EVL: variants seen among roughly 807,000 people sequenced by gnomAD.
The protein encoded by EVL is ena/VASP-like protein.
EVL carries 21 observed loss-of-function variants against 59.6 expected under a neutral mutation model. That is an observed-to-expected ratio of 0.35 (90% CI 0.25 to 0.51). The LOEUF is 0.51. Ranked by LOEUF, EVL falls within the 20% of genes least tolerant of loss-of-function variation. The pLI is 0.97. For missense variants in EVL, 462 were observed against 546.6 expected (o/e 0.85, Z 1.54); for synonymous variants, 198 against 203.5 (o/e 0.97, Z 0.23).
At chr14:100,053,159 C>T (rs887316731) in intron 1 of EVL, among the ~76,000 whole-genome samples, 14 of 152,366 alleles carry the variant, frequency 9.2e-5, no homozygotes, top group African/African-American at 2.4e-4. Flanking sequence ...AGGGCTTCAA[C>T]ATATGAATTT....
intron 2 of EVL, chr14:100,096,922 T>G (rs538180918): frequency 8.5e-5 from 13 of 152,714 alleles, no homozygotes; most frequent in African/African-American, 2.6e-4. Context: ...CTTTCCCAAG[T>G]TATTCTTTCG....
chr14:99,986,066 C>T (rs898541318), intron 1 of EVL, among the ~76,000 whole-genome samples: 9 of 152,068 alleles, frequency 5.9e-5, no homozygotes, highest in East Asian at 1.9e-4. Context: ...CCAAGGCGAG[C>T]GGATCACCTG....
rs567710791 is a variant in EVL at position 100,095,889 on chromosome 14, G to A, written c.181-1592G>A. Among the ~76,000 whole-genome samples, 22 of 152,182 alleles carry A rather than the reference G, an allele frequency of 1.4e-4. No homozygotes were observed. In the South Asian group the frequency reaches 2.1e-3, roughly 14 times the overall value. ...ACTACAGGCACCCACCACCATTCTC[G>A]GCTTATTTTTGTATTTTTAGTAGAG... On this transcript the variant is annotated intron_variant, in intron 2 of 13. Transcript: ENST00000392920.
intron 1 of EVL, among the ~76,000 whole-genome samples, chr14:100,037,343 A>T (rs2061403399): frequency 6.6e-6 from 1 of 152,246 alleles, no homozygotes; most frequent in Non-Finnish European, 1.5e-5. Context: ...AATCACTTCC[A>T]GGAAAGCCTT....
chr14:100,003,141 C>T (rs968030022), intron 1 of EVL, among the ~76,000 whole-genome samples: 13 of 152,160 alleles, frequency 8.5e-5, no homozygotes, highest in Admixed American at 1.3e-4. Context: ...TACAATCTCA[C>T]GCACCCCCCT....
intron 1 of EVL, among the ~76,000 whole-genome samples, chr14:99,984,615 G>A (rs531219656): frequency 1.3e-5 from 2 of 152,114 alleles, no homozygotes; most frequent in African/African-American, 4.8e-5. Flanking sequence ...TTACTGATAT[G>A]TTATTATTAT....
chr14:100,020,462 A>AGT (rs147894996), intron 1 of EVL, among the ~76,000 whole-genome samples: 24 of 149,624 alleles, frequency 1.6e-4, no homozygotes, highest in East Asian at 4.1e-4. Context: ...TATGGAAGAG[A>AGT]GTGTGTGTGT....
Position 100,127,296 on chromosome 14 carries a change from A to G in EVL, c.487+525A>G, listed in dbSNP as rs1161456709. Among the ~76,000 whole-genome samples the G allele has an allele frequency of 1.3e-5, 2 of 152,220 alleles. No homozygotes were observed. Among genetic ancestry groups the G allele is most frequent in the African/African-American group, 4.8e-5 (2 of 41,452 alleles). ...GGACGAGGGTTTTCCAGAAATTGTC[A>G]TGTTCACTGATAGGCAAAGGACTGG... On this transcript the variant is annotated intron_variant, in intron 5 of 13. Transcript: ENST00000392920. The surrounding 1 kb of genome is among the most constrained non-coding windows in gnomAD (Gnocchi z 4.2).
chr14:100,081,028 C>CGAGAGACCA (rs2062290413), intron 1 of EVL, among the ~76,000 whole-genome samples: 1 of 152,104 alleles, frequency 6.6e-6, no homozygotes, highest in Non-Finnish European at 1.5e-5. Flanking sequence ...CCCAGCACTT[C>CGAGAGACCA]GAGAGACCAA....
chr14:100,081,803 C>A (rs917341703), intron 1 of EVL, among the ~76,000 whole-genome samples: 3 of 152,214 alleles, frequency 2.0e-5, no homozygotes, highest in Admixed American at 2.0e-4. Flanking sequence ...GCGTTTGCTT[C>A]AGAAAGCCTC....
intron 2 of EVL, among the ~76,000 whole-genome samples, chr14:100,088,836 C>T (rs949353811): frequency 2.6e-5 from 4 of 152,148 alleles, no homozygotes; most frequent in Non-Finnish European, 5.9e-5. Context: ...AAATGTTAAT[C>T]CTTCAGCAAG....
At chr14:100,060,175 A>C (rs1272455702) in intron 1 of EVL, among the ~76,000 whole-genome samples, 1 of 151,970 alleles carries the variant, frequency 6.6e-6, no homozygotes, top group Non-Finnish European at 1.5e-5. Context: ...TCACGCCTGT[A>C]ATCCCAGCAC....
upstream of EVL, among the ~76,000 whole-genome samples, chr14:100,062,772 G>A (rs762354403): frequency 2.0e-5 from 3 of 152,120 alleles, no homozygotes; most frequent in Non-Finnish European, 2.9e-5. Context: ...CCATCACCCC[G>A]CCGTAATCCC....
chr14:100,064,339 T>C (rs1408657199), upstream of EVL, among the ~76,000 whole-genome samples: 1 of 152,250 alleles, frequency 6.6e-6, no homozygotes, highest in Non-Finnish European at 1.5e-5. Context: ...CTGTGATTTC[T>C]AACACAGTGC....
Position 100,144,124 on chromosome 14 carries a change from C to CA in EVL, c.*387dup. 1 of 297,220 alleles carries CA rather than the reference C, an allele frequency of 3.4e-6. No homozygotes were observed. Among genetic ancestry groups the CA allele is most frequent in the Middle Eastern group, 1.1e-3 (1 of 902 alleles). 18.4% of individuals were successfully genotyped at this position (297,220 alleles called of 1,614,324 possible). ...GCCGGCCCAGCGTGGCGCCACCACA[C>CA]ACCGCAGAGCTGTCCAGGCACAGCT... On this transcript the variant is annotated 3_prime_UTR_variant, in exon 14 of 14. Coordinates refer to ENST00000392920, the MANE Select transcript of EVL (RefSeq NM_016337.3).
chr14:100,068,240 G>C (rs1256001563), intron 1 of EVL, among the ~76,000 whole-genome samples: 1 of 152,146 alleles, frequency 6.6e-6, no homozygotes, highest in Non-Finnish European at 1.5e-5. Context: ...CCTCAGCTGG[G>C]GACGAGGCCC....
At chr14:100,030,050 A>G (rs934963140) in intron 1 of EVL, among the ~76,000 whole-genome samples, 1 of 150,378 alleles carries the variant, frequency 6.6e-6, no homozygotes. Context: ...AAATGGGACT[A>G]TTACCAATCT....
chr14:100,025,866 G>A (rs2061201613), intron 1 of EVL, among the ~76,000 whole-genome samples: 1 of 152,182 alleles, frequency 6.6e-6, no homozygotes, highest in Non-Finnish European at 1.5e-5. Flanking sequence ...AACCTGGGAT[G>A]CAGAGGTTAC....
intron 1 of EVL, among the ~76,000 whole-genome samples, chr14:99,980,860 G>C (rs1332342951): frequency 6.6e-6 from 1 of 152,076 alleles, no homozygotes; most frequent in African/African-American, 2.4e-5. Flanking sequence ...CTGGTTTGGT[G>C]ATTTTGTTTG....
Sources: gnomAD v4.1 joint callset for allele counts (sites outside exome capture counted in the v4.1 genomes callset) on GRCh38, gnomAD v4.1.1 for gene constraint, Gnocchi (gnomAD v3.1) non-coding constraint, MANE v1.5 for transcripts, NCBI Gene and HGNC (gene_info 2026-07-23, HGNC 2026-07-21) for gene names.